OTOGL: variants seen among roughly 807,000 people sequenced by gnomAD.
OTOGL encodes otogelin-like protein.
A neutral mutation model predicts 318.5 loss-of-function variants in OTOGL; 285 were observed. The observed-to-expected ratio is 0.89, with a 90% confidence interval of 0.81 to 0.99. The LOEUF is 0.99. Among genes scored for constraint, OTOGL ranks in the 50% least tolerant of loss-of-function variants. The probability of loss-of-function intolerance (pLI) is 0.00; values close to 1 mark genes in which losing one functional copy is unlikely to be tolerated. For synonymous variants in OTOGL, 987 were observed against 936.5 expected, an observed-to-expected ratio of 1.05 and a Z score of -0.99; for missense variants, 2,899 against 2,845.6, an observed-to-expected ratio of 1.02 and a Z score of -0.43.
chr12:80,185,702 A>G (rs1013753944), intron 1 of OTOGL, among the ~76,000 whole-genome samples: 18 of 152,272 alleles, frequency 1.2e-4, no homozygotes, highest in African/African-American at 4.1e-4. Context: ...AATGATGTGT[A>G]TAAAACTTTT....
chr12:80,295,466 C>T (rs757621434), intron 26 of OTOGL, among the ~76,000 whole-genome samples: 12 of 152,134 alleles, frequency 7.9e-5, no homozygotes, highest in African/African-American at 1.9e-4. Flanking sequence ...CGTGAGCCAC[C>T]GCGTCTGGCC....
intron 1 of OTOGL, among the ~76,000 whole-genome samples, chr12:80,158,060 C>T (rs937847881): frequency 3.0e-4 from 46 of 151,940 alleles, no homozygotes; most frequent in Admixed American, 1.3e-4. Flanking sequence ...AAATCCTAAG[C>T]ATTTTAAGTA....
At chr12:80,103,416 C>T (rs1869263696) in intron 1 of OTOGL, 1 of 675,878 alleles carries the variant, frequency 1.5e-6, no homozygotes. Context: ...CATCTTCTCA[C>T]TTGCTGTCCC....
At chr12:80,280,325 T>TTTTGTTGGAATTGCTTCAGGTGTC (rs71094973) in intron 26 of OTOGL, among the ~76,000 whole-genome samples, 1 of 151,114 alleles carries the variant, frequency 6.6e-6, no homozygotes, top group Non-Finnish European at 1.5e-5. Context: ...CAATTTTTGT[T>TTTTGTTGGAATTGCTTCAGGTGTC]TTTGTTGCAA....
intron 43 of OTOGL, among the ~76,000 whole-genome samples, chr12:80,341,619 A>G (rs1888772617): frequency 6.6e-6 from 1 of 152,166 alleles, no homozygotes; most frequent in Admixed American, 6.6e-5. Context: ...ACTAGTTACT[A>G]AGTTAGAAGA....
chr12:80,304,956 C>G (rs1886011342), intron 28 of OTOGL, among the ~76,000 whole-genome samples: 1 of 152,150 alleles, frequency 6.6e-6, no homozygotes, highest in Non-Finnish European at 1.5e-5. Flanking sequence ...GCCATAGCCA[C>G]TTATTACCAT....
At chr12:80,232,668 A>G (rs1879472911) in intron 8 of OTOGL, among the ~76,000 whole-genome samples, 1 of 152,250 alleles carries the variant, frequency 6.6e-6, no homozygotes, top group Admixed American at 6.5e-5. Context: ...AAATCAGTAT[A>G]AGAAAGCAGC....
At chr12:80,355,118 C>A (rs1165454261) in intron 46 of OTOGL, among the ~76,000 whole-genome samples, 5 of 151,008 alleles carry the variant, frequency 3.3e-5, no homozygotes, top group Non-Finnish European at 5.9e-5. Flanking sequence ...TAAAATGTGT[C>A]AAAAATAATA....
chr12:80,308,313 T>G (rs1157644770), intron 29 of OTOGL, among the ~76,000 whole-genome samples: 2 of 135,396 alleles, frequency 1.5e-5, no homozygotes, highest in East Asian at 2.3e-4. Flanking sequence ...AGGCAGAGGG[T>G]CTCCTCACTT....
At chr12:80,338,969 A>G in intron 42 of OTOGL, 106 bp from the exon 43 acceptor site, 2 of 976,164 alleles carry the variant, frequency 2.0e-6, no homozygotes, top group Non-Finnish European at 2.9e-6. Context: ...TCTTAAAAAA[A>G]TTAAAAAATA....
intron 6 of OTOGL, 118 bp from the exon 7 acceptor site, chr12:80,221,973 T>TTA: frequency 8.7e-7 from 1 of 1,155,066 alleles, no homozygotes; most frequent in Non-Finnish European, 1.2e-6. Flanking sequence ...TCTTCCTGTG[T>TTA]TATAGACCAA....
Position 80,323,819 on chromosome 12 carries a change from T to C in OTOGL, c.4178T>C (p.Leu1393Pro). The change falls in exon 35 of 59, where the codon CTA becomes CCA. Residue 1393 changes from leucine (L) to proline (P), a missense_variant. Around this residue, in one of 3 missense-constraint regions of OTOGL, gnomAD observed 2,607 missense variants for 2,524.9 expected, o/e 1.03. Transcript: ENST00000547103. ...CFKTCSDPEA[L>P]ACKFLPPVEG... is the part of the protein sequence containing the mutation. ...AAAACATGTAGTGACCCTGAAGCAC[T>C]AGCATGTAAATTTCTTCCACCGTAA... 1.2e-6 allele frequency: 2 copies of C among 1,612,140 alleles called. No individual in the cohort carries two copies. The highest frequency in any genetic ancestry group is 1.7e-6 in the Non-Finnish European group (2 of 1,178,212).
At chr12:80,101,861 T>C (rs920209891) in intron 1 of OTOGL, among the ~76,000 whole-genome samples, 1 of 152,202 alleles carries the variant, frequency 6.6e-6, no homozygotes, top group Non-Finnish European at 1.5e-5. Context: ...GGTATTGATG[T>C]CCTCATTGTA....
In OTOGL at chr12:80,355,951, A is replaced by T. The variant is rs781059170; in HGVS notation, c.5806+3A>T. ...CTGCTGTTCAAAGGAAGTTTGTGGT[A>T]TGTATGCAGAAGCCTTATAGTCAAT... is the stretch of plus-strand genomic sequence containing the variant. On this transcript the variant is annotated splice_donor_region_variant and intron_variant, in intron 47 of 58. Transcript: ENST00000547103. 25 of 1,613,102 alleles carry T rather than the reference A, an allele frequency of 1.5e-5. No individual in the cohort carries two copies. Among genetic ancestry groups the T allele is most frequent in the Non-Finnish European group, 2.0e-5 (24 of 1,179,182 alleles).
chr12:80,318,619 C>T lies in OTOGL; in HGVS notation c.3708C>T (p.Ser1236=). ...SGLVLGANMT[S]RSVFCLPRSS... is the part of the protein sequence containing the mutation. ...TTGTTCTGGGGGCCAATATGACCAG[C>T]AGAAGCGTTTTCTGTTTGCCGAGAA... The change falls in exon 33 of 59, where the codon AGC becomes AGT. Residue 1236 remains serine, a synonymous_variant. Transcript: ENST00000547103. 6.8e-7 allele frequency: 1 copy of T among 1,472,728 alleles called. No individual in the cohort carries two copies. Among genetic ancestry groups the T allele is most frequent in the Non-Finnish European group, 9.0e-7 (1 of 1,110,728 alleles). The allele number at this position is 1,472,728 out of a possible 1,614,324, so 91.2% of individuals were successfully genotyped here. A position where few individuals can be genotyped will look rare whatever the true frequency, so the allele number is the denominator to read the frequency against.
intron 1 of OTOGL, among the ~76,000 whole-genome samples, chr12:80,164,958 A>C (rs746782075): frequency 6.6e-6 from 1 of 152,178 alleles, no homozygotes; most frequent in Non-Finnish European, 1.5e-5. Flanking sequence ...TGGTATGAAG[A>C]GGATATTCAA....
At chr12:80,328,042 T>C (rs1228897699) in intron 35 of OTOGL, among the ~76,000 whole-genome samples, 2 of 147,278 alleles carry the variant, frequency 1.4e-5, no homozygotes, top group African/African-American at 5.1e-5. Context: ...ATTGGCCAGG[T>C]GCCAGGGCTA....
intron 1 of OTOGL, among the ~76,000 whole-genome samples, chr12:80,120,387 ACAG>A (rs1211657031): frequency 1.3e-5 from 2 of 152,164 alleles, no homozygotes; most frequent in Non-Finnish European, 2.9e-5. Flanking sequence ...CTTGTGAATG[ACAG>A]CATAAAGGAT....
chr12:80,249,546 G>A (rs1446937988), intron 11 of OTOGL, among the ~76,000 whole-genome samples: 1 of 151,774 alleles, frequency 6.6e-6, no homozygotes, highest in African/African-American at 2.4e-5. Context: ...CTGCGTGCTG[G>A]GAGAACCACT....
Sources: gnomAD v4.1 joint callset for allele counts (sites outside exome capture counted in the v4.1 genomes callset) on GRCh38, gnomAD v4.1.1 for gene constraint, gnomAD v4.1.1 regional missense constraint, MANE v1.5 for transcripts, NCBI Gene and HGNC (gene_info 2026-07-23, HGNC 2026-07-21) for gene names.